The following PIK3C2A variants were observed in gnomAD, a reference collection of about 807,000 sequenced individuals.
PIK3C2A encodes phosphatidylinositol 4-phosphate 3-kinase C2 domain-containing subunit alpha.
In PIK3C2A, 97 loss-of-function variants were observed where a neutral mutation model predicts 204.5. The observed-to-expected ratio is 0.47, with a 90% CI of 0.40 to 0.56. The LOEUF is 0.56. Among genes scored for constraint, PIK3C2A ranks in the 20% least tolerant of loss-of-function variants. PIK3C2A has a pLI of 0.00. For missense variants in PIK3C2A, 1,735 were observed against 1,969.2 expected (o/e 0.88, Z 2.25); for synonymous variants, 653 against 664.4 (o/e 0.98, Z 0.26).
At chr11:17,135,297 A>T (rs1046908276) in intron 9 of PIK3C2A, 138 bp from the exon 10 acceptor site, 18 of 831,932 alleles carry the variant, frequency 2.2e-5, no homozygotes, top group Non-Finnish European at 3.3e-5. Context: ...ATAAATAAAT[A>T]ATGCAAAAAG....
intron 29 of PIK3C2A, 29 bp downstream of exon 29, chr11:17,092,130 T>C (rs1848328862): frequency 5.5e-6 from 8 of 1,467,088 alleles, no homozygotes; most frequent in African/African-American, 2.8e-5. Context: ...AGGTATAAGA[T>C]GTTATTACTT....
At chr11:17,155,497 A>G (rs759864186) in intron 3 of PIK3C2A, 29 bp downstream of exon 3, 2 of 1,288,986 alleles carry the variant, frequency 1.6e-6, no homozygotes, top group Non-Finnish European at 2.2e-6. Flanking sequence ...AATTTTTCAA[A>G]TGAACATTTA....
At chr11:17,168,396 A>C (rs1055685656) in intron 2 of PIK3C2A, among the ~76,000 whole-genome samples, 2 of 152,120 alleles carry the variant, frequency 1.3e-5, no homozygotes, top group East Asian at 3.9e-4. Context: ...TCTTGCTAAC[A>C]CAGTGAAACC....
Position 17,169,738 on chromosome 11 carries a change from C to G in PIK3C2A, c.4G>C (p.Ala2Pro). The G allele has an allele frequency of 1.3e-6, 2 of 1,586,006 alleles. No homozygotes were observed. Among genetic ancestry groups the G allele is most frequent in the Non-Finnish European group, 1.7e-6 (2 of 1,172,902 alleles). ...AATCCGCTGTTGCTAGATATCTGAG[C>G]CATGTCCACTAAAAAGACCAAACCT... M[A>P]QISSNSGFKE... is the part of the protein sequence containing the mutation. Residue 2 changes from alanine (A) to proline (P), a missense_variant, in exon 2 of 33, where the codon GCT (alanine) becomes CCT (proline). Coordinates refer to ENST00000691414, the MANE Select transcript of PIK3C2A (RefSeq NM_002645.4).
At chr11:17,199,470 C>T (rs1852286411) in intron 1 of PIK3C2A, among the ~76,000 whole-genome samples, 1 of 152,200 alleles carries the variant, frequency 6.6e-6, no homozygotes, top group African/African-American at 2.4e-5. Context: ...CAGTATCCAT[C>T]AATGAATTAA....
intron 19 of PIK3C2A, among the ~76,000 whole-genome samples, chr11:17,117,199 C>T (rs61762024): frequency 2.6e-5 from 4 of 152,132 alleles, no homozygotes; most frequent in South Asian, 2.1e-4. Flanking sequence ...GATGAAAATA[C>T]TGTGGACTTT....
chr11:17,096,185 C>A (rs562400077), intron 27 of PIK3C2A, among the ~76,000 whole-genome samples: 1 of 152,094 alleles, frequency 6.6e-6, no homozygotes, highest in African/African-American at 2.4e-5. Context: ...ACTACAGACA[C>A]ATGCCACCAC....
At chr11:17,094,807 CTTAA>C (rs1389081202) in intron 27 of PIK3C2A, among the ~76,000 whole-genome samples, 3 of 152,136 alleles carry the variant, frequency 2.0e-5, no homozygotes, top group African/African-American at 7.2e-5. Context: ...AAATTTATAG[CTTAA>C]TTGTTATATG....
chr11:17,128,848 T>C (rs570270650), intron 13 of PIK3C2A, among the ~76,000 whole-genome samples: 1 of 152,246 alleles, frequency 6.6e-6, no homozygotes, highest in South Asian at 2.1e-4. Context: ...CTAGGGGCAT[T>C]TGGCAGTAAG....
intron 1 of PIK3C2A, among the ~76,000 whole-genome samples, chr11:17,187,949 A>G (rs147971784): frequency 2.6e-5 from 4 of 152,280 alleles, no homozygotes; most frequent in Admixed American, 6.5e-5. Context: ...CTGGGAGCCA[A>G]TGGTAGGAAG....
rs1565253825 is a variant in PIK3C2A, at chr11:17,118,675, C to G, written c.3005G>C (p.Gly1002Ala). 6.5e-7 allele frequency: 1 copy of G among 1,542,800 alleles called. No individual in the cohort carries two copies. Among genetic ancestry groups the G allele is most frequent in the East Asian group, 2.3e-5 (1 of 44,380 alleles). Reference sequence around the variant, plus strand: ...TAAATTGTGTGCTATCTGGATATTTCCCAATGCCCTGGACAAAAGGAATTG... The same window carrying G: ...TAAATTGTGTGCTATCTGGATATTTGCCAATGCCCTGGACAAAAGGAATTG... ...LVQFLLSRAL[G>A]NIQIAHNLYW... is the part of the protein sequence containing the mutation. The change falls in exon 18 of 33, where the codon GGA becomes GCA. Residue 1002 changes from glycine to alanine, a missense_variant. By Grantham distance (60) the Gly-to-Ala change is moderately conservative (BLOSUM62 0). Coordinates refer to ENST00000691414, the MANE Select transcript of PIK3C2A (RefSeq NM_002645.4).
intron 1 of PIK3C2A, among the ~76,000 whole-genome samples, chr11:17,185,077 A>G (rs892375903): frequency 1.6e-4 from 25 of 152,196 alleles, no homozygotes; most frequent in African/African-American, 6.0e-4. Context: ...CTATTCACTC[A>G]TTGACTCACC....
chr11:17,198,914 T>C (rs1852261549), intron 1 of PIK3C2A, among the ~76,000 whole-genome samples: 1 of 151,960 alleles, frequency 6.6e-6, no homozygotes, highest in Admixed American at 6.6e-5. Flanking sequence ...AGGTCAGCAA[T>C]TCGAGACCAG....
intron 15 of PIK3C2A, among the ~76,000 whole-genome samples, chr11:17,121,768 A>C (rs1442947749): frequency 6.6e-6 from 1 of 152,084 alleles, no homozygotes; most frequent in East Asian, 1.9e-4. Context: ...TTTTCTAAAA[A>C]AATTGCTTGT....
intron 12 of PIK3C2A, 33 bp downstream of exon 12, chr11:17,131,883 C>T (rs1380291269): frequency 1.9e-6 from 3 of 1,581,260 alleles, no homozygotes; most frequent in Non-Finnish European, 2.6e-6. Flanking sequence ...ACAGGACACA[C>T]TGAAAGAATA....
intron 1 of PIK3C2A, among the ~76,000 whole-genome samples, chr11:17,182,806 T>A (rs532862838): frequency 6.7e-4 from 102 of 152,146 alleles, no homozygotes; most frequent in Non-Finnish European, 1.2e-3. Context: ...CATAACATGA[T>A]CAATTTATGT....
intron 1 of PIK3C2A, among the ~76,000 whole-genome samples, chr11:17,203,365 C>G (rs1197129691): frequency 6.6e-6 from 1 of 151,474 alleles, no homozygotes; most frequent in East Asian, 1.9e-4. Flanking sequence ...AAAGAAATAA[C>G]ATACTGTAGA....
intron 21 of PIK3C2A, 149 bp downstream of exon 21, chr11:17,112,425 C>A (rs1849031502): frequency 5.9e-6 from 2 of 340,162 alleles, no homozygotes; most frequent in Admixed American, 9.5e-5. Context: ...TGCACTCCAG[C>A]CTGAGCGTCA....
intron 1 of PIK3C2A, among the ~76,000 whole-genome samples, chr11:17,176,003 A>ATT (rs57197496): frequency 7.6e-5 from 11 of 143,874 alleles, no homozygotes; most frequent in Non-Finnish European, 6.1e-5. Context: ...CATGGAACTG[A>ATT]TTTTTTTTTT....
Sources: gnomAD v4.1 joint callset for allele counts (sites outside exome capture counted in the v4.1 genomes callset) on GRCh38, gnomAD v4.1.1 for gene constraint, MANE v1.5 for transcripts, NCBI Gene and HGNC (gene_info 2026-07-23, HGNC 2026-07-21) for gene names.